Variants in HS1BP3 observed in about 807,000 individuals in gnomAD.
HS1BP3 encodes the protein HCLS1 binding protein 3.
HS1BP3 carries 32 observed loss-of-function variants against 33.5 expected under a neutral mutation model. The observed-to-expected ratio is 0.95, with a 90% CI of 0.72 to 1.28. The LOEUF is 1.28. Ranked by LOEUF, HS1BP3 falls within the 50% of genes most tolerant of loss-of-function variation. HS1BP3 has a pLI of 0.00. For missense variants in HS1BP3, 486 were observed against 502.3 expected (o/e 0.97, Z 0.31); for synonymous variants, 187 against 209.2 (o/e 0.89, Z 0.92).
intron 2 of HS1BP3, among the ~76,000 whole-genome samples, chr2:20,603,466 C>T (rs1167660730): frequency 6.6e-6 from 1 of 152,116 alleles, no homozygotes; most frequent in Non-Finnish European, 1.5e-5. Flanking sequence ...GTATGCTAGG[C>T]GAAAGAAGTC....
chr2:20,640,818 A>G (rs1695315955), intron 3 of HS1BP3, 155 bp downstream of exon 3: 1 of 714,422 alleles, frequency 1.4e-6, no homozygotes. Context: ...CCCACCATCC[A>G]GCCAAGGATG....
At chr2:20,648,512 C>T (rs1421564689) in intron 1 of HS1BP3, among the ~76,000 whole-genome samples, 1 of 152,212 alleles carries the variant, frequency 6.6e-6, no homozygotes, top group African/African-American at 2.4e-5. Flanking sequence ...GTGGCTGGAG[C>T]ACCCCCTCAC....
chr2:20,625,017 A>G, intron 4 of HS1BP3, 125 bp from the exon 5 acceptor site: 3 of 1,152,036 alleles, frequency 2.6e-6, no homozygotes, highest in Non-Finnish European at 3.8e-6. Context: ...AGAAAAGACC[A>G]GGCCAGAGGG....
chr2:20,641,047 ACGG>A lies in HS1BP3; in HGVS notation c.329_331del (p.Ala110del). On this transcript the variant is annotated inframe_deletion, in exon 3 of 7. Transcript: ENST00000304031. ...GACACAGCGCAGGATCTCATTGAAC[ACGG>A]CTCTCCTCTCCCGGATGTCAGACTC... is the stretch of plus-strand genomic sequence containing the variant. 6.2e-7 allele frequency: 1 copy of A among 1,614,172 alleles called. No individual in the cohort carries two copies. Among genetic ancestry groups the A allele is most frequent in the Admixed American group, 1.7e-5 (1 of 60,038 alleles).
At chr2:20,648,791 T>TTC (rs1257950948) in intron 1 of HS1BP3, among the ~76,000 whole-genome samples, 1 of 152,172 alleles carries the variant, frequency 6.6e-6, no homozygotes, top group African/African-American at 2.4e-5. Context: ...GTCAACGAGC[T>TTC]TCTCAAAACT....
intron 4 of HS1BP3, chr2:20,635,527 T>C (rs1470964700): frequency 6.6e-6 from 1 of 152,226 alleles, no homozygotes; most frequent in Non-Finnish European, 1.5e-5. Context: ...TTGTGTGTTA[T>C]TTGAGTCACA....
intron 5 of HS1BP3, among the ~76,000 whole-genome samples, chr2:20,568,859 G>C (rs1693198339): frequency 6.6e-6 from 1 of 152,184 alleles, no homozygotes; most frequent in Non-Finnish European, 1.5e-5. Context: ...GAGCTCAGTT[G>C]GGACCTCCCA....
chr2:20,579,157 AC>A (rs1479829448), intron 5 of HS1BP3, among the ~76,000 whole-genome samples: 1 of 152,244 alleles, frequency 6.6e-6, no homozygotes, highest in Non-Finnish European at 1.5e-5. Flanking sequence ...CTGGGCGGCC[AC>A]CAGACACGTG....
intron 3 of HS1BP3, among the ~76,000 whole-genome samples, chr2:20,594,913 T>C (rs1693908875): frequency 6.6e-6 from 1 of 152,106 alleles, no homozygotes; most frequent in Non-Finnish European, 1.5e-5. Flanking sequence ...ACAGGAGGGC[T>C]CTGTCCTATG....
At chr2:20,579,588 T>C (rs983275059) in intron 5 of HS1BP3, among the ~76,000 whole-genome samples, 2 of 152,238 alleles carry the variant, frequency 1.3e-5, no homozygotes, top group Non-Finnish European at 2.9e-5. Context: ...TGGGGTCATT[T>C]GTGTTTTCTC....
intron 5 of HS1BP3, among the ~76,000 whole-genome samples, chr2:20,571,993 A>G (rs1693286085): frequency 6.6e-6 from 1 of 152,160 alleles, no homozygotes; most frequent in Non-Finnish European, 1.5e-5. Flanking sequence ...TCTTATTTCC[A>G]AGGACTCCAG....
At chr2:20,568,916 C>T (rs984842172) in intron 5 of HS1BP3, among the ~76,000 whole-genome samples, 1 of 152,196 alleles carries the variant, frequency 6.6e-6, no homozygotes, top group Non-Finnish European at 1.5e-5. Flanking sequence ...AGATTGCCCT[C>T]GAGGCCGTCT....
Position 20,624,778 on chromosome 2 carries a change from C to T in HS1BP3, c.738G>A (p.Arg246=), listed in dbSNP as rs1280791292. The T allele has an allele frequency of 6.2e-7, 1 of 1,612,946 alleles. No individual in the cohort carries two copies. The highest frequency in any genetic ancestry group is 8.5e-7 in the Non-Finnish European group (1 of 1,179,346). ...DPDEGLFGPG[R]KLSPQDPSED... ...CCGAGGGGTCCTGTGGAGACAGCTT[C>T]CTGCCCGGGCCAAAGAGCCCCTCAT... The change falls in exon 5 of 7, where the codon AGG becomes AGA. Residue 246 remains arginine (R), a synonymous_variant. Coordinates refer to ENST00000304031, the MANE Select transcript of HS1BP3 (RefSeq NM_022460.4).
chr2:20,571,130 C>T (rs577723137), intron 5 of HS1BP3, among the ~76,000 whole-genome samples: 1 of 152,280 alleles, frequency 6.6e-6, no homozygotes, highest in African/African-American at 2.4e-5. Flanking sequence ...TTAGTGTTTG[C>T]TAGACTTTGC....
chr2:20,621,225 G>A (rs1271476251), intron 6 of HS1BP3, among the ~76,000 whole-genome samples: 1 of 152,228 alleles, frequency 6.6e-6, no homozygotes, highest in Non-Finnish European at 1.5e-5. Flanking sequence ...GTATGGAGGT[G>A]TCCAGCACAG....
intron 2 of HS1BP3, among the ~76,000 whole-genome samples, chr2:20,609,730 G>A (rs1308195886): frequency 6.6e-6 from 1 of 152,220 alleles, no homozygotes; most frequent in Non-Finnish European, 1.5e-5. Context: ...ATGCTGTCAA[G>A]GAACAAAGGC....
At chr2:20,593,274 C>T (rs896247040) in intron 3 of HS1BP3, among the ~76,000 whole-genome samples, 13 of 152,182 alleles carry the variant, frequency 8.5e-5, no homozygotes, top group African/African-American at 2.4e-4. Flanking sequence ...TCTTCCTCAC[C>T]TGCCTTCTCT....
At chr2:20,628,339 C>G (rs886325248) in intron 4 of HS1BP3, among the ~76,000 whole-genome samples, 13 of 152,258 alleles carry the variant, frequency 8.5e-5, no homozygotes, top group Middle Eastern at 3.4e-3. Flanking sequence ...CCTGTAATCC[C>G]AGCACTTTCG....
intron 5 of HS1BP3, among the ~76,000 whole-genome samples, chr2:20,581,335 T>A (rs1693528553): frequency 6.6e-6 from 1 of 152,068 alleles, no homozygotes; most frequent in Non-Finnish European, 1.5e-5. Context: ...AAACAACAAA[T>A]ATTTATTTCT....
Sources: gnomAD v4.1 joint callset for allele counts (sites outside exome capture counted in the v4.1 genomes callset) on GRCh38, gnomAD v4.1.1 for gene constraint, MANE v1.5 for transcripts, NCBI Gene and HGNC (gene_info 2026-07-23, HGNC 2026-07-21) for gene names.